PCDHA3: variants seen among roughly 807,000 people sequenced by gnomAD.
PCDHA3 encodes the protein protocadherin alpha 3.
A neutral mutation model predicts 62.2 loss-of-function variants in PCDHA3; 41 were observed. That is an observed-to-expected ratio of 0.66 (90% CI 0.51 to 0.86). The LOEUF is 0.86. PCDHA3 is among the 40% of genes least tolerant of loss of function. PCDHA3 has a pLI of 0.00. For synonymous variants in PCDHA3, 640 were observed against 555.4 expected, an observed-to-expected ratio of 1.15 and a Z score of -2.14; for missense variants, 1,304 against 1,241.2, an observed-to-expected ratio of 1.05 and a Z score of -0.76.
chr5:140,870,297 C>T, intron 1 of PCDHA3: 1 of 1,614,186 alleles, frequency 6.2e-7, no homozygotes, highest in Non-Finnish European at 8.5e-7. Context: ...AGCTGGTGTC[C>T]ACCTTCAAGA....
At chr5:140,834,129 A>G in intron 1 of PCDHA3, 1 of 450,824 alleles carries the variant, frequency 2.2e-6, no homozygotes, top group Non-Finnish European at 3.9e-6. Context: ...AAAACTTTTC[A>G]TCTGATTAAT....
At chr5:140,824,356 T>C in intron 1 of PCDHA3, 1 of 579,334 alleles carries the variant, frequency 1.7e-6, no homozygotes. Context: ...TAATATTTTA[T>C]ATTAGCATTT....
chr5:140,875,363 A>G, intron 1 of PCDHA3: 1 of 1,449,052 alleles, frequency 6.9e-7, no homozygotes, highest in Non-Finnish European at 9.1e-7. Flanking sequence ...GATGCTGGAA[A>G]AAATTTACTA....
chr5:140,843,370 G>A lies in PCDHA3; in HGVS notation c.2394+39779G>A, dbSNP rs782264664. On this transcript the variant is annotated intron_variant, in intron 1 of 3. Coordinates refer to ENST00000522353, the MANE Select transcript of PCDHA3 (RefSeq NM_018906.3). Reference sequence around the variant, plus strand: ...CTCCAAAAGCGTCATCGAGGCAGTCGGCTGGCGTTTTGGGTCCGGAAGCGG... The same window carrying A: ...CTCCAAAAGCGTCATCGAGGCAGTCAGCTGGCGTTTTGGGTCCGGAAGCGG... The A allele has an allele frequency of 1.2e-5, 19 of 1,596,088 alleles. 2 individuals carry two copies. Among genetic ancestry groups the A allele is most frequent in the Non-Finnish European group, 1.6e-5 (19 of 1,165,604 alleles).
At position 140,849,753 on chromosome 5, in the gene PCDHA3, G is replaced by A. The variant is rs1294538786; in HGVS notation, c.2394+46162G>A. 17 of 1,598,282 alleles carry A rather than the reference G, an allele frequency of 1.1e-5. 1 individual carries two copies. Among genetic ancestry groups the A allele is most frequent in the Non-Finnish European group, 1.4e-5 (16 of 1,167,970 alleles). ...AGCTCTGGACCGCGAGAGTGTGTCC[G>A]CCTACGAGCTGGTGGTTACCGCGCG... On this transcript the variant is annotated intron_variant, in intron 1 of 3. Coordinates refer to ENST00000522353, the MANE Select transcript of PCDHA3 (RefSeq NM_018906.3).
intron 1 of PCDHA3, chr5:140,815,136 A>G (rs2126661786): frequency 6.6e-5 from 10 of 152,148 alleles, no homozygotes; most frequent in Admixed American, 2.6e-4. Context: ...AAAAAAATCA[A>G]TTCAACCACT....
At chr5:140,967,957 C>A in intron 1 of PCDHA3, 1 of 1,614,222 alleles carries the variant, frequency 6.2e-7, no homozygotes, top group Admixed American at 1.7e-5. Context: ...CAGGCCCCAA[C>A]CGGAAAGTGA....
At chr5:140,920,474 GT>G (rs1407391996) in intron 1 of PCDHA3, among the ~76,000 whole-genome samples, 1 of 152,008 alleles carries the variant, frequency 6.6e-6, no homozygotes, top group Non-Finnish European at 1.5e-5. Flanking sequence ...ATTTCTGTAT[GT>G]TTTTGGTCCA....
chr5:140,803,462 G>T lies in PCDHA3; in HGVS notation c.2265G>T (p.Gln755His), dbSNP rs782807269. ...VGSWSYSQQR[Q>H]QRVCSGEGLP... ...GCTGGTCATACTCGCAGCAGAGGCA[G>T]CAGAGGGTGTGCTCTGGAGAGGGGT... Residue 755 changes from glutamine (Q) to histidine (H), a missense_variant, in exon 1 of 4, where the codon CAG (glutamine) becomes CAT (histidine). By Grantham distance (24) the Gln-to-His change is conservative. Coordinates refer to ENST00000522353, the MANE Select transcript of PCDHA3 (RefSeq NM_018906.3). 6.2e-7 allele frequency: 1 copy of T among 1,614,250 alleles called. No homozygotes were observed. The highest frequency in any genetic ancestry group is 8.5e-7 in the Non-Finnish European group (1 of 1,180,032).
At position 140,927,384 on chromosome 5, in the gene PCDHA3, C is replaced by G. The variant is rs2084146194; in HGVS notation, c.2395-51565C>G. On this transcript the variant is annotated intron_variant, in intron 1 of 3. Transcript: ENST00000522353. Reference sequence around the variant, plus strand: ...ATGGGATACTAAGCTACAGCCTAAGCCCCAGTCAGCACTTTCGCCTGGACA... The same window carrying G: ...ATGGGATACTAAGCTACAGCCTAAGGCCCAGTCAGCACTTTCGCCTGGACA... 1 of 1,613,996 alleles carries G rather than the reference C, an allele frequency of 6.2e-7. No individual in the cohort carries two copies. The highest frequency in any genetic ancestry group is 1.7e-5 in the Admixed American group (1 of 60,010).
Position 140,982,458 on chromosome 5 carries a change from T to C in PCDHA3, c.2454-17T>C, listed in dbSNP as rs1554244201. 1 of 1,613,996 alleles carries C rather than the reference T, an allele frequency of 6.2e-7. No homozygotes were observed. Among genetic ancestry groups the C allele is most frequent in the Non-Finnish European group, 8.5e-7 (1 of 1,179,964 alleles). ...ATTTATGATCTAACCGTTATCTGGG[T>C]CTGTGTGTTTATTCAGCTCTGTGCA... On this transcript the variant is annotated splice_polypyrimidine_tract_variant and intron_variant, in intron 2 of 3. Transcript: ENST00000522353.
rs781972089 is a variant in PCDHA3 at position 141,009,851 on chromosome 5, A to G, written c.2767A>G (p.Lys923Glu). 1 of 1,614,060 alleles carries G rather than the reference A, an allele frequency of 6.2e-7. No individual in the cohort carries two copies. Among genetic ancestry groups the G allele is most frequent in the Non-Finnish European group, 8.5e-7 (1 of 1,179,986 alleles). Residue 923 changes from lysine to glutamate, a missense_variant, in exon 4 of 4, where the codon AAG becomes GAG. Transcript: ENST00000522353. ...AACCTTCGGCAAAAAGGAGGAGACC[A>G]AGAAAAAGAAGAAAAAGAAGAAGGG... is the stretch of plus-strand genomic sequence containing the variant. ...FITFGKKEETKKKKKKKKGNK... is the reference protein window; with the variant it reads ...FITFGKKEETEKKKKKKKGNK...
chr5:140,929,232 G>A lies in PCDHA3; in HGVS notation c.2395-49717G>A, dbSNP rs782109734. On this transcript the variant is annotated intron_variant, in intron 1 of 3. Coordinates refer to ENST00000522353, the MANE Select transcript of PCDHA3 (RefSeq NM_018906.3). ...GTGGGGAGTACAATGCTGCCGACCTGCGAAATCTTGCCACTGGGGTAGGAC... is the reference window on the plus strand; with the variant it reads ...GTGGGGAGTACAATGCTGCCGACCTACGAAATCTTGCCACTGGGGTAGGAC... 2.5e-6 allele frequency: 4 copies of A among 1,613,756 alleles called. No individual in the cohort carries two copies. In the Admixed American group the frequency reaches 5.0e-5, roughly 20 times the overall value.
intron 1 of PCDHA3, chr5:140,882,051 A>T: frequency 1.3e-6 from 1 of 757,670 alleles, no homozygotes; most frequent in Non-Finnish European, 2.0e-6. Flanking sequence ...AGTCATACTT[A>T]CACTTACACG....
At chr5:140,870,134 A>G (rs2051696193) in intron 1 of PCDHA3, 1 of 1,613,888 alleles carries the variant, frequency 6.2e-7, no homozygotes, top group African/African-American at 1.3e-5. Flanking sequence ...GACACCAACG[A>G]TAACTCTCCT....
chr5:140,903,014 A>G (rs551984849), intron 1 of PCDHA3, among the ~76,000 whole-genome samples: 1 of 152,322 alleles, frequency 6.6e-6, no homozygotes, highest in African/African-American at 2.4e-5. Context: ...TTGTGCTGCT[A>G]TCAACATGGC....
intron 1 of PCDHA3, among the ~76,000 whole-genome samples, chr5:140,888,814 T>C (rs1052564071): frequency 6.6e-6 from 1 of 152,126 alleles, no homozygotes; most frequent in Non-Finnish European, 1.5e-5. Context: ...TGATCTGTGA[T>C]CTGTGATCAC....
chr5:140,850,243 G>T lies in PCDHA3; in HGVS notation c.2394+46652G>T, dbSNP rs2150475215. 2 of 1,593,880 alleles carry T rather than the reference G, an allele frequency of 1.3e-6. No homozygotes were observed. The highest frequency in any genetic ancestry group is 1.3e-5 in the African/African-American group (1 of 74,400). ...GGCGCAGTGAGCGAGATGGTGCTGC[G>T]GTCGGTGGGCGCCGGCGTAGTGGTG... On this transcript the variant is annotated intron_variant, in intron 1 of 3. Transcript: ENST00000522353.
intron 1 of PCDHA3, among the ~76,000 whole-genome samples, chr5:140,945,123 A>G (rs1421068345): frequency 2.0e-5 from 3 of 152,190 alleles, no homozygotes; most frequent in African/African-American, 4.8e-5. Context: ...TAAAAAATCA[A>G]CTTACAAAAA....
Sources: gnomAD v4.1 joint callset for allele counts (sites outside exome capture counted in the v4.1 genomes callset) on GRCh38, gnomAD v4.1.1 for gene constraint, MANE v1.5 for transcripts, NCBI Gene and HGNC (gene_info 2026-07-23, HGNC 2026-07-21) for gene names.